QPCT: variants seen among roughly 807,000 people sequenced by gnomAD.
QPCT encodes glutaminyl-peptide cyclotransferase.
Under a neutral mutation model 43.4 loss-of-function variants are expected in QPCT, and 44 were observed. That is an observed-to-expected ratio of 1.01 (90% CI 0.80 to 1.30). The LOEUF (loss-of-function observed/expected upper bound fraction) is 1.30. QPCT is among the 50% of genes most tolerant of loss of function. The probability of loss-of-function intolerance (pLI) is 0.00; values close to 1 mark genes in which losing one functional copy is unlikely to be tolerated. For synonymous variants in QPCT, 168 were observed against 168.4 expected (o/e 1.00, Z 0.02); for missense variants, 526 against 436.5 (o/e 1.21, Z -1.83).
chr2:37,360,048 G>A (rs1194161677), intron 3 of QPCT, 190 bp downstream of exon 3: 6 of 620,742 alleles, frequency 9.7e-6, no homozygotes, highest in South Asian at 2.1e-5. Context: ...CCTAAGATAC[G>A]TGACAATGCA....
chr2:37,368,329 C>T (rs1325910187), intron 4 of QPCT: 1 of 151,694 alleles, frequency 6.6e-6, no homozygotes, highest in Non-Finnish European at 1.4e-5. Context: ...CCGACCCCTG[C>T]ATCTTCTCCT....
intron 1 of QPCT, among the ~76,000 whole-genome samples, chr2:37,345,163 G>C (rs892497672): frequency 2.0e-5 from 3 of 152,186 alleles, no homozygotes; most frequent in African/African-American, 2.4e-5. Flanking sequence ...TGCTGAGCCG[G>C]GAGGCGAGGG....
At chr2:37,347,179 A>ATATATAT (rs1244639524) in intron 1 of QPCT, among the ~76,000 whole-genome samples, 1 of 50,774 alleles carries the variant, frequency 2.0e-5, no homozygotes. Context: ...ATATATATAT[A>ATATATAT]ACATATATAT....
Position 37,368,532 on chromosome 2 carries a change from T to C in QPCT, c.723+1124T>C, listed in dbSNP as rs1047485893. 3.2e-5 allele frequency: 15 copies of C among 467,890 alleles called. No homozygotes were observed. In the Admixed American group the frequency reaches 3.5e-4, roughly 11 times the overall value. 29.0% of individuals were successfully genotyped at this position (467,890 alleles called of 1,614,324 possible). A position where few individuals can be genotyped will look rare whatever the true frequency, so the allele number is the denominator to read the frequency against. ...TTATTCCTATCCATTGCCCTATCAC[T>C]GACCTTCGCCCTATAAAAGTACAAA... On this transcript the variant is annotated intron_variant, in intron 4 of 6. Coordinates refer to ENST00000338415, the MANE Select transcript of QPCT (RefSeq NM_012413.4).
rs144023082 is a variant in QPCT, at chr2:37,357,883, G to GA, written c.268-1687dup. 1.8e-4 allele frequency among the ~76,000 whole-genome samples: 26 copies of GA among 148,286 alleles called. No homozygotes were observed. The East Asian group carries it at 3.3e-3, about 19-fold the overall frequency. Reference sequence around the variant, plus strand: ...TAGAAAATCCTGTATTTCTTAGGAGGAAAAAAAAAATAAAAGCCCTCACAT... The same window carrying GA: ...TAGAAAATCCTGTATTTCTTAGGAGGAAAAAAAAAAATAAAAGCCCTCACAT... On this transcript the variant is annotated intron_variant, in intron 2 of 6. Transcript: ENST00000338415.
intron 5 of QPCT, among the ~76,000 whole-genome samples, chr2:37,371,359 T>G (rs112709205): frequency 0.024 from 3,484 of 145,428 alleles, 123 homozygotes; most frequent in African/African-American, 0.082. Context: ...ATATCTCTAG[T>G]TGTATAAGAG....
Position 37,372,942 on chromosome 2 carries a change from C to G in QPCT, c.*115C>G. On this transcript the variant is annotated 3_prime_UTR_variant, in exon 7 of 7. Transcript: ENST00000338415. ...GTGTGGAAACATCTATCCTATAGAT[C>G]ATCCTATTCTTATGTGTCTTTGGTT... The G allele has an allele frequency of 3.4e-6, 3 of 869,650 alleles. No individual in the cohort carries two copies. The highest frequency in any genetic ancestry group is 5.1e-6 in the Non-Finnish European group (3 of 592,434). The allele number at this position is 869,650 out of a possible 1,614,324, so 53.9% of individuals were successfully genotyped here.
intron 1 of QPCT, among the ~76,000 whole-genome samples, chr2:37,352,488 C>T (rs1282732893): frequency 1.3e-5 from 2 of 152,084 alleles, no homozygotes; most frequent in African/African-American, 4.8e-5. Flanking sequence ...TGCGTCACCA[C>T]GCCCATCTAA....
At chr2:37,367,818 A>G (rs904516629) in intron 4 of QPCT, among the ~76,000 whole-genome samples, 3 of 152,180 alleles carry the variant, frequency 2.0e-5, no homozygotes, top group African/African-American at 7.2e-5. Context: ...GCCGTGAGCT[A>G]TGATTGCTCC....
intron 1 of QPCT, among the ~76,000 whole-genome samples, chr2:37,345,068 G>C (rs930231439): frequency 9.9e-5 from 15 of 152,184 alleles, no homozygotes; most frequent in African/African-American, 3.6e-4. Context: ...AGACGCCAGG[G>C]GGGCTGGGTG....
At chr2:37,349,277 C>A (rs1048835245) in intron 1 of QPCT, among the ~76,000 whole-genome samples, 2 of 152,152 alleles carry the variant, frequency 1.3e-5, no homozygotes, top group Non-Finnish European at 2.9e-5. Context: ...GAGGAGCAAA[C>A]ACATGTAAGT....
chr2:37,368,432 C>G, intron 4 of QPCT: 1 of 333,678 alleles, frequency 3.0e-6, no homozygotes, highest in Non-Finnish European at 6.0e-6. Context: ...TGAGACTTCA[C>G]TAGCCCCGGT....
rs778421257 is a variant in QPCT at position 37,359,837 on chromosome 2, C to G, written c.525C>G (p.Asp175Glu). 6.2e-7 allele frequency: 1 copy of G among 1,614,158 alleles called. No homozygotes were observed. Among genetic ancestry groups the G allele is most frequent in the South Asian group, 1.1e-5 (1 of 91,082 alleles). The change falls in exon 3 of 7, where the codon GAC becomes GAG. Residue 175 changes from aspartate (D) to glutamate (E), a missense_variant. Transcript: ENST00000338415. ...AMMLELARAL[D>E]KKLLSLKTVS... is the part of the protein sequence containing the mutation. ...TGTTGGAACTTGCTCGTGCCTTAGA[C>G]AAGAAACTCCTTTCCTTAAAGGTAT...
chr2:37,354,302 C>A (rs183611879), intron 2 of QPCT, among the ~76,000 whole-genome samples: 14 of 152,328 alleles, frequency 9.2e-5, no homozygotes, highest in South Asian at 8.3e-4. Flanking sequence ...GGTAGACACC[C>A]TGCAGGCACC....
intron 1 of QPCT, 36 bp downstream of exon 1, chr2:37,344,887 G>A: frequency 6.6e-7 from 1 of 1,522,682 alleles, no homozygotes; most frequent in Non-Finnish European, 8.8e-7. Context: ...TACTTGAGCG[G>A]CTCTGGTCCG....
chr2:37,348,139 A>G (rs970851990), intron 1 of QPCT, among the ~76,000 whole-genome samples: 1 of 152,012 alleles, frequency 6.6e-6, no homozygotes, highest in African/African-American at 2.4e-5. Context: ...ACTCTCAGGC[A>G]GTGACGTGGA....
intron 3 of QPCT, among the ~76,000 whole-genome samples, chr2:37,362,523 G>T (rs753968230): frequency 6.6e-6 from 1 of 152,148 alleles, no homozygotes; most frequent in Non-Finnish European, 1.5e-5. Context: ...AATGATTAGC[G>T]TACAAAATTA....
At chr2:37,371,855 A>G (rs11886606) in intron 5 of QPCT, among the ~76,000 whole-genome samples, 17,702 of 152,176 alleles carry the variant, frequency 0.12, 1,730 homozygotes, top group East Asian at 0.41. Context: ...TGCTGGTCAG[A>G]CATCACACTT....
chr2:37,372,117 G>T (rs1387836839), intron 5 of QPCT, among the ~76,000 whole-genome samples: 2 of 151,958 alleles, frequency 1.3e-5, no homozygotes, highest in African/African-American at 4.8e-5. Flanking sequence ...CTCTAAGGAG[G>T]TTCTCACCTG....
Sources: allele counts gnomAD v4.1 joint callset (sites outside exome capture counted in the v4.1 genomes callset), GRCh38; gene constraint gnomAD v4.1.1; transcripts MANE v1.5; gene names NCBI Gene and HGNC (gene_info 2026-07-23, HGNC 2026-07-21).